WDR19: variants seen among roughly 807,000 people sequenced by gnomAD.
The protein encoded by WDR19 is WD repeat-containing protein 19.
In WDR19, 121 loss-of-function variants were observed where a neutral mutation model predicts 180.0. The ratio of observed to expected loss-of-function variants is 0.67; its 90% confidence interval spans 0.58 to 0.78. The LOEUF (loss-of-function observed/expected upper bound fraction) is 0.78, where lower values mean the gene tolerates loss of function less well. Among genes scored for constraint, WDR19 ranks in the 30% least tolerant of loss-of-function variants. WDR19 has a pLI of 0.00. For synonymous variants in WDR19, 497 were observed against 540.7 expected (o/e 0.92, Z 1.12); for missense variants, 1,450 against 1,640.7 (o/e 0.88, Z 2.01).
At chr4:39,269,563 T>C (rs1348664151) in intron 30 of WDR19, among the ~76,000 whole-genome samples, 1 of 152,172 alleles carries the variant, frequency 6.6e-6, no homozygotes, top group Non-Finnish European at 1.5e-5. Flanking sequence ...ATAGGAAATC[T>C]GGCCGGTCAC....
Position 39,270,498 on chromosome 4 carries a change from T to C in WDR19, c.3483+398T>C, listed in dbSNP as rs565697364. On this transcript the variant is annotated intron_variant, in intron 31 of 36. Transcript: ENST00000399820. ...TCAAGCAATTCTTCTGCCTCAGCCT[T>C]CCAAGTAGCTGGGATTACAGGCACA... is the stretch of plus-strand genomic sequence containing the variant. Among the ~76,000 whole-genome samples, 18 of 151,998 alleles carry C rather than the reference T, an allele frequency of 1.2e-4. No individual in the cohort carries two copies. The South Asian group carries it at 2.5e-3, about 21-fold the overall frequency.
At chr4:39,249,817 G>C (rs1450532045) in intron 24 of WDR19, among the ~76,000 whole-genome samples, 2 of 152,102 alleles carry the variant, frequency 1.3e-5, no homozygotes, top group African/African-American at 2.4e-5. Context: ...TCTCTGAATA[G>C]ACCAATAACA....
At chr4:39,217,481 A>C (rs980826200) in intron 13 of WDR19, among the ~76,000 whole-genome samples, 2 of 152,200 alleles carry the variant, frequency 1.3e-5, no homozygotes, top group African/African-American at 4.8e-5. Flanking sequence ...CTTTAGTAAA[A>C]CAGTAATAAT....
At chr4:39,257,970 G>A (rs1733923893) in intron 28 of WDR19, among the ~76,000 whole-genome samples, 1 of 150,092 alleles carries the variant, frequency 6.7e-6, no homozygotes. Flanking sequence ...GTCTCCACAT[G>A]TCACCCCCCA....
chr4:39,282,595 A>C (rs541375043), intron 36 of WDR19, among the ~76,000 whole-genome samples: 34 of 152,014 alleles, frequency 2.2e-4, no homozygotes, highest in Non-Finnish European at 4.1e-4. Flanking sequence ...ATGGGGTTTC[A>C]CCATGTTGGC....
intron 21 of WDR19, among the ~76,000 whole-genome samples, chr4:39,241,083 C>G (rs145069302): frequency 6.6e-6 from 1 of 152,168 alleles, no homozygotes; most frequent in East Asian, 1.9e-4. Flanking sequence ...ACCCACTGTG[C>G]CACCTCTTTT....
intron 6 of WDR19, among the ~76,000 whole-genome samples, chr4:39,200,792 G>A (rs564833760): frequency 4.4e-4 from 67 of 152,288 alleles, no homozygotes; most frequent in Non-Finnish European, 7.9e-4. Flanking sequence ...AGAAAGTGGG[G>A]ATCATTGTGG....
intron 33 of WDR19, chr4:39,275,338 T>TAAA: frequency 2.6e-5 from 4 of 156,378 alleles, no homozygotes; most frequent in South Asian, 1.3e-4. Flanking sequence ...AGACCCCATC[T>TAAA]CAAAAAAAAA....
chr4:39,263,212 T>A (rs763830125), intron 28 of WDR19, among the ~76,000 whole-genome samples: 7 of 150,866 alleles, frequency 4.6e-5, no homozygotes, highest in Non-Finnish European at 8.9e-5. Flanking sequence ...GTTGGGAGAG[T>A]CCTCCTTACC....
chr4:39,259,529 A>G (rs1230354373), intron 28 of WDR19, among the ~76,000 whole-genome samples: 3 of 152,122 alleles, frequency 2.0e-5, no homozygotes, highest in Non-Finnish European at 4.4e-5. Context: ...TGCTTCTCTC[A>G]TTTAGCGTCA....
intron 5 of WDR19, 183 bp downstream of exon 5, chr4:39,194,842 C>G: frequency 1.8e-6 from 1 of 565,942 alleles, no homozygotes; most frequent in South Asian, 2.4e-5. Context: ...TTACTAAGAA[C>G]TTGCCAGGGT....
intron 28 of WDR19, among the ~76,000 whole-genome samples, chr4:39,263,700 GGATCACC>G (rs1175487480): frequency 6.6e-6 from 1 of 152,134 alleles, no homozygotes; most frequent in South Asian, 2.1e-4. Context: ...TGAGGTGGGC[GGATCACC>G]TGAGGTCAGA....
chr4:39,194,420 T>G (rs1726496921), intron 4 of WDR19, 124 bp from the exon 5 acceptor site: 1 of 574,270 alleles, frequency 1.7e-6, no homozygotes, highest in Non-Finnish European at 3.0e-6. Flanking sequence ...CCTAAAGCAT[T>G]AAGTTGTATT....
At chr4:39,256,565 A>G (rs1204701695) in intron 27 of WDR19, among the ~76,000 whole-genome samples, 1 of 152,160 alleles carries the variant, frequency 6.6e-6, no homozygotes, top group African/African-American at 2.4e-5. Context: ...CAGTTTTGAA[A>G]TATGTGCCCC....
chr4:39,247,639 C>G (rs1416292100), intron 24 of WDR19, among the ~76,000 whole-genome samples: 3 of 152,052 alleles, frequency 2.0e-5, no homozygotes, highest in African/African-American at 7.3e-5. Context: ...ACTAGAATAA[C>G]CAATGCAGAG....
At chr4:39,182,587 G>C (rs1449084228) in intron 1 of WDR19, 24 bp downstream of exon 1, 1 of 1,613,628 alleles carries the variant, frequency 6.2e-7, no homozygotes, top group East Asian at 2.2e-5. Flanking sequence ...AAATTCCCGG[G>C]GTGGGGCGGG....
chr4:39,247,170 A>G (rs1219739522), intron 24 of WDR19, among the ~76,000 whole-genome samples: 2 of 152,154 alleles, frequency 1.3e-5, no homozygotes, highest in African/African-American at 2.4e-5. Context: ...CCAGAGGAAC[A>G]ATCAGGCAGC....
chr4:39,248,033 A>G lies in WDR19; in HGVS notation c.2729+2581A>G, dbSNP rs187027736. Among the ~76,000 whole-genome samples the G allele has an allele frequency of 1.1e-4, 16 of 152,294 alleles. 1 individual carries two copies. In the East Asian group the frequency reaches 3.1e-3, roughly 29 times the overall value. On this transcript the variant is annotated intron_variant, in intron 24 of 36. Coordinates refer to ENST00000399820, the MANE Select transcript of WDR19 (RefSeq NM_025132.4). ...ACAAAGATACTCCTCGAGAAGAGCAACTCCAAGACACATAATTGTCAGATT... is the reference window on the plus strand; with the variant it reads ...ACAAAGATACTCCTCGAGAAGAGCAGCTCCAAGACACATAATTGTCAGATT...
rs1004273550 is a variant in WDR19 at position 39,214,512 on chromosome 4, C to T, written c.891-89C>T. 17 of 729,398 alleles carry T rather than the reference C, an allele frequency of 2.3e-5. No individual in the cohort carries two copies. The African/African-American group carries it at 2.6e-4, about 11-fold the overall frequency. 45.2% of individuals were successfully genotyped at this position (729,398 alleles called of 1,614,324 possible). On this transcript the variant is annotated intron_variant, in intron 9 of 36. Transcript: ENST00000399820. ...ACATCACATTTTGGAGACCAGTAAC[C>T]TATTCCATGGTTTGTAATTTTTTGT...
Sources: gnomAD v4.1 joint callset for allele counts (sites outside exome capture counted in the v4.1 genomes callset) on GRCh38, gnomAD v4.1.1 for gene constraint, MANE v1.5 for transcripts, NCBI Gene and HGNC (gene_info 2026-07-23, HGNC 2026-07-21) for gene names.